RHCE: variants seen among roughly 807,000 people sequenced by gnomAD.
RHCE encodes blood group Rh(CE) polypeptide.
A neutral mutation model predicts 43.8 loss-of-function variants in RHCE; 22 were observed. The observed-to-expected ratio is 0.50, with a 90% CI of 0.36 to 0.72. The LOEUF (loss-of-function observed/expected upper bound fraction) is 0.72, where lower values mean the gene tolerates loss of function less well. Among genes scored for constraint, RHCE ranks in the 30% least tolerant of loss-of-function variants. The pLI, the probability that RHCE is intolerant of heterozygous loss-of-function variation, is 0.00. For missense variants in RHCE, 385 were observed against 525.4 expected, an observed-to-expected ratio of 0.73 and a Z score of 2.61; for synonymous variants, 156 against 210.7, an observed-to-expected ratio of 0.74 and a Z score of 2.25.
intron 1 of RHCE, chr1:25,411,517 A>T: frequency 6.7e-7 from 1 of 1,501,862 alleles, no homozygotes. Flanking sequence ...ACATTTCCAA[A>T]TCAACCTGAC....
intron 1 of RHCE, among the ~76,000 whole-genome samples, chr1:25,415,431 T>C (rs1647316959): frequency 6.6e-6 from 1 of 152,214 alleles, no homozygotes; most frequent in African/African-American, 2.4e-5. Context: ...GGCGGGTGGA[T>C]CACCTGAGGT....
chr1:25,385,302 C>A (rs1646118331), intron 7 of RHCE, among the ~76,000 whole-genome samples: 1 of 152,158 alleles, frequency 6.6e-6, no homozygotes, highest in Non-Finnish European at 1.5e-5. Context: ...ATCCTTATCT[C>A]CATTTACAAG....
chr1:25,394,491 C>T (rs938314312), intron 3 of RHCE, among the ~76,000 whole-genome samples: 2 of 152,068 alleles, frequency 1.3e-5, no homozygotes, highest in African/African-American at 4.8e-5. Context: ...AACAGTTGTC[C>T]TCTCTCCCCA....
intron 7 of RHCE, among the ~76,000 whole-genome samples, chr1:25,382,186 T>A (rs1302951256): frequency 2.0e-5 from 3 of 148,652 alleles, no homozygotes; most frequent in Non-Finnish European, 4.4e-5. Context: ...CAAAGGCCCT[T>A]CCTCCAAATA....
At chr1:25,390,680 G>C in intron 5 of RHCE, 69 bp downstream of exon 5, 1 of 1,571,134 alleles carries the variant, frequency 6.4e-7, no homozygotes, top group Non-Finnish European at 8.8e-7. Flanking sequence ...CCTGGGGTGG[G>C]GAGGGGCATA....
At chr1:25,406,102 G>GT (rs1646906686) in intron 2 of RHCE, among the ~76,000 whole-genome samples, 1 of 123,184 alleles carries the variant, frequency 8.1e-6, no homozygotes, top group African/African-American at 2.5e-5. Flanking sequence ...GCCCTAGACT[G>GT]TGGGGCAGGA....
At chr1:25,399,630 G>A (rs1646666867) in intron 3 of RHCE, among the ~76,000 whole-genome samples, 1 of 152,088 alleles carries the variant, frequency 6.6e-6, no homozygotes, top group South Asian at 2.1e-4. Context: ...ATTAGACAGT[G>A]TTTAATTTTC....
At chr1:25,378,220 G>A (rs562471623) in intron 7 of RHCE, among the ~76,000 whole-genome samples, 67 of 152,322 alleles carry the variant, frequency 4.4e-4, no homozygotes, top group Middle Eastern at 3.4e-3. Context: ...CTGGTGATTA[G>A]ATTGGCGCAA....
Position 25,362,349 on chromosome 1 carries a change from A to G in RHCE, c.*178T>C, listed in dbSNP as rs368829657. The G allele has an allele frequency of 7.4e-7, 1 of 1,359,814 alleles. No homozygotes were observed. 84.2% of individuals were successfully genotyped at this position (1,359,814 alleles called of 1,614,324 possible). The stretch of plus-strand genomic sequence containing the variant: ...CATTTATTTTAAACTTATTAAATTG[A>G]CTCTTAAACTAAGTTTTTAGTCTTT... On this transcript the variant is annotated 3_prime_UTR_variant, in exon 10 of 10. Transcript: ENST00000294413.
intron 7 of RHCE, among the ~76,000 whole-genome samples, chr1:25,383,914 T>A (rs1437545393): frequency 2.0e-5 from 3 of 152,220 alleles, no homozygotes; most frequent in African/African-American, 7.2e-5. Flanking sequence ...CAAGGCTTTA[T>A]TTTCATGGAA....
At chr1:25,413,805 C>G (rs555238543) in intron 1 of RHCE, among the ~76,000 whole-genome samples, 84 of 152,154 alleles carry the variant, frequency 5.5e-4, no homozygotes, top group African/African-American at 1.9e-3. Flanking sequence ...TATAACTAGT[C>G]CAAGTCACAG....
chr1:25,391,333 C>T (rs755768152), intron 4 of RHCE, among the ~76,000 whole-genome samples: 3 of 151,954 alleles, frequency 2.0e-5, no homozygotes, highest in Non-Finnish European at 2.9e-5. Flanking sequence ...TACAGGCGTG[C>T]ACCACCATGC....
At chr1:25,414,106 T>C (rs1647201860) in intron 1 of RHCE, among the ~76,000 whole-genome samples, 1 of 152,012 alleles carries the variant, frequency 6.6e-6, no homozygotes, top group South Asian at 2.1e-4. Flanking sequence ...TGTTAGTAAC[T>C]GTTACCCCGT....
At position 25,392,087 on chromosome 1, in the gene RHCE, G is replaced by A; in HGVS notation, c.541C>T (p.Leu181=). 6.2e-7 allele frequency: 1 copy of A among 1,614,178 alleles called. No homozygotes were observed. Among genetic ancestry groups the A allele is most frequent in the Non-Finnish European group, 8.5e-7 (1 of 1,180,036 alleles). ...HFYVFAAYFG[L]TVAWCLPKPL... Reference sequence around the variant, plus strand: ...TTTGGCAGGCACCAGGCCACAGTCAGCCCAAAATAGGCTGCGAACACGTAG... The same window carrying A: ...TTTGGCAGGCACCAGGCCACAGTCAACCCAAAATAGGCTGCGAACACGTAG... Residue 181 remains leucine (L), a synonymous_variant, in exon 4 of 10, where the codon CTG becomes TTG. Transcript: ENST00000294413.
chr1:25,392,687 CA>C (rs1646415600), intron 3 of RHCE, among the ~76,000 whole-genome samples: 1 of 150,716 alleles, frequency 6.6e-6, no homozygotes, highest in Non-Finnish European at 1.5e-5. Context: ...CCTCCCACCT[CA>C]GCCTCCTAAG....
chr1:25,420,952 C>G, upstream of RHCE: 1 of 1,358,120 alleles, frequency 7.4e-7, no homozygotes, highest in Non-Finnish European at 1.0e-6. Context: ...AACACGGAAG[C>G]AGAGGGACTA....
intron 7 of RHCE, among the ~76,000 whole-genome samples, chr1:25,383,827 C>T (rs1179378758): frequency 3.3e-5 from 5 of 152,126 alleles, no homozygotes; most frequent in Admixed American, 1.3e-4. Flanking sequence ...AGTCCATGTG[C>T]AGTGACGTCT....
chr1:25,430,090 G>C (rs2042839972), exon 1 of RHCE: 1 of 151,864 alleles, frequency 6.6e-6, no homozygotes, highest in Admixed American at 6.6e-5. Flanking sequence ...CTTCGCGGTA[G>C]TGCCCTCGCG....
chr1:25,382,848 CATTCCAGAGATGCT>C (rs576229195), intron 7 of RHCE, among the ~76,000 whole-genome samples: 192 of 152,264 alleles, frequency 1.3e-3, no homozygotes, highest in Non-Finnish European at 9.9e-4. Flanking sequence ...GCCATACTGG[CATTCCAGAGATGCT>C]ATTAAAAATT....
Sources: gnomAD v4.1 joint callset for allele counts (sites outside exome capture counted in the v4.1 genomes callset) on GRCh38, gnomAD v4.1.1 for gene constraint, MANE v1.5 for transcripts, NCBI Gene and HGNC (gene_info 2026-07-23, HGNC 2026-07-21) for gene names.